CPED1: variants seen among roughly 807,000 people sequenced by gnomAD.
CPED1 encodes the protein cadherin-like and PC-esterase domain-containing protein 1.
Under a neutral mutation model 128.2 loss-of-function variants are expected in CPED1, and 114 were observed. That is an observed-to-expected ratio of 0.89 (90% CI 0.76 to 1.04). The LOEUF is 1.04. Among genes scored for constraint, CPED1 ranks in the 50% least tolerant of loss-of-function variants. CPED1 has a pLI of 0.00. For missense variants in CPED1, 1,211 were observed against 1,207.1 expected (o/e 1.00, Z -0.05); for synonymous variants, 462 against 426.7 (o/e 1.08, Z -1.02).
At position 121,224,254 on chromosome 7, in the gene CPED1, T is replaced by C. The variant is rs1013674370; in HGVS notation, c.2056-12460T>C. ...TCAGGAGCAGGTTGTTCAGTTTCCA[T>C]GTAGTTGTGCGGTTTTGAGTGAGTT... On this transcript the variant is annotated intron_variant, in intron 16 of 22. Coordinates refer to ENST00000310396, the MANE Select transcript of CPED1 (RefSeq NM_024913.5). Among the ~76,000 whole-genome samples, 125 of 152,186 alleles carry C rather than the reference T, an allele frequency of 8.2e-4. 2 individuals carry two copies. Among genetic ancestry groups the C allele is most frequent in the Non-Finnish European group, 3.8e-4 (26 of 68,026 alleles).
chr7:121,283,608 C>T (rs895846210), intron 22 of CPED1, among the ~76,000 whole-genome samples: 2 of 152,206 alleles, frequency 1.3e-5, no homozygotes, highest in African/African-American at 4.8e-5. Flanking sequence ...CTCATCTGCT[C>T]ATGTTGGAAC....
At chr7:121,041,833 A>G (rs1184275953) in intron 3 of CPED1, among the ~76,000 whole-genome samples, 3 of 152,196 alleles carry the variant, frequency 2.0e-5, no homozygotes, top group Non-Finnish European at 4.4e-5. Flanking sequence ...GTGCCATTTT[A>G]TATCTGAATT....
chr7:121,274,620 C>T (rs1012923382), intron 22 of CPED1, among the ~76,000 whole-genome samples: 1 of 152,100 alleles, frequency 6.6e-6, no homozygotes, highest in African/African-American at 2.4e-5. Flanking sequence ...CAACTGACTC[C>T]CTTCATCATA....
chr7:121,003,804 A>G (rs935454894), intron 2 of CPED1, among the ~76,000 whole-genome samples: 12 of 152,166 alleles, frequency 7.9e-5, no homozygotes, highest in African/African-American at 2.9e-4. Flanking sequence ...AAGGAGAGCC[A>G]AGGTTGCATG....
At chr7:121,001,593 G>A (rs1232043465) in intron 2 of CPED1, among the ~76,000 whole-genome samples, 1 of 152,162 alleles carries the variant, frequency 6.6e-6, no homozygotes, top group Non-Finnish European at 1.5e-5. Flanking sequence ...GAAAAAGTAG[G>A]TGGCGTTAGG....
chr7:121,115,391 A>G (rs958727133), intron 7 of CPED1, among the ~76,000 whole-genome samples: 1 of 152,230 alleles, frequency 6.6e-6, no homozygotes, highest in Non-Finnish European at 1.5e-5. Context: ...CTTTACAGCC[A>G]CTTAAAAGTT....
intron 22 of CPED1, among the ~76,000 whole-genome samples, chr7:121,294,305 G>A (rs984142827): frequency 2.0e-5 from 3 of 152,096 alleles, no homozygotes; most frequent in Non-Finnish European, 2.9e-5. Flanking sequence ...AGCTTGGGGT[G>A]AGGAACAGAA....
chr7:121,136,127 A>G (rs1176327627), intron 14 of CPED1, 37 bp downstream of exon 14: 4 of 1,532,086 alleles, frequency 2.6e-6, no homozygotes, highest in East Asian at 2.5e-5. Context: ...AGCATAATAA[A>G]CAATTAGGGA....
At chr7:120,990,500 T>C (rs1367338324) in intron 2 of CPED1, among the ~76,000 whole-genome samples, 1 of 152,080 alleles carries the variant, frequency 6.6e-6, no homozygotes, top group African/African-American at 2.4e-5. Flanking sequence ...AACTTACTAA[T>C]CTTACTTGTC....
intron 16 of CPED1, among the ~76,000 whole-genome samples, chr7:121,184,154 T>C (rs975020462): frequency 2.8e-5 from 4 of 141,422 alleles, no homozygotes; most frequent in African/African-American, 7.7e-5. Context: ...AAAAAAAAAA[T>C]GTATTTTGTG....
chr7:121,059,123 C>G (rs12706310), intron 4 of CPED1, among the ~76,000 whole-genome samples: 2 of 151,960 alleles, frequency 1.3e-5, no homozygotes, highest in East Asian at 1.9e-4. Context: ...GGGGCTGTAT[C>G]TCACCGCAAG....
chr7:121,248,594 C>CAAAAAA (rs36015608), intron 18 of CPED1, among the ~76,000 whole-genome samples: 61 of 118,396 alleles, frequency 5.2e-4, no homozygotes, highest in African/African-American at 1.4e-3. Flanking sequence ...CCCTGTGAAA[C>CAAAAAA]AAAAAAAAAA....
At chr7:121,236,391 G>A (rs180879445) in intron 16 of CPED1, among the ~76,000 whole-genome samples, 29 of 152,136 alleles carry the variant, frequency 1.9e-4, no homozygotes, top group African/African-American at 4.6e-4. Context: ...CACATGAACC[G>A]TCTTTTCCAC....
At chr7:121,006,953 G>A (rs1792031243) in intron 2 of CPED1, among the ~76,000 whole-genome samples, 1 of 152,140 alleles carries the variant, frequency 6.6e-6, no homozygotes, top group Admixed American at 6.6e-5. Context: ...TGGTTGAAAC[G>A]AATGAGCATT....
chr7:121,285,781 G>A (rs1792555640), intron 22 of CPED1, among the ~76,000 whole-genome samples: 1 of 152,100 alleles, frequency 6.6e-6, no homozygotes, highest in Non-Finnish European at 1.5e-5. Flanking sequence ...CCATATCTTT[G>A]TCTTCTGAGC....
chr7:121,211,465 T>C (rs1563066796), intron 16 of CPED1, among the ~76,000 whole-genome samples: 1 of 138,776 alleles, frequency 7.2e-6, no homozygotes. Flanking sequence ...CTGGGCAGAG[T>C]AACAACTACA....
At chr7:121,134,390 G>A (rs917788025) in intron 13 of CPED1, among the ~76,000 whole-genome samples, 2 of 152,174 alleles carry the variant, frequency 1.3e-5, no homozygotes, top group African/African-American at 4.8e-5. Context: ...TCTCACAGAA[G>A]TAGAGAGGGT....
intron 2 of CPED1, among the ~76,000 whole-genome samples, chr7:121,004,544 T>C (rs1201114691): frequency 2.6e-5 from 4 of 152,140 alleles, no homozygotes; most frequent in Admixed American, 6.5e-5. Flanking sequence ...TGTGTGTGTG[T>C]GTGCAGAAGT....
intron 16 of CPED1, among the ~76,000 whole-genome samples, chr7:121,216,573 CT>C (rs1349941092): frequency 2.5e-4 from 38 of 152,050 alleles, no homozygotes; most frequent in African/African-American, 7.0e-4. Context: ...AGACTCCCAC[CT>C]ACCCAGAGAG....
Sources: gnomAD v4.1 joint callset for allele counts (sites outside exome capture counted in the v4.1 genomes callset) on GRCh38, gnomAD v4.1.1 for gene constraint, MANE v1.5 for transcripts, NCBI Gene and HGNC (gene_info 2026-07-23, HGNC 2026-07-21) for gene names.